Variants in FKTN observed in about 807,000 individuals in gnomAD.
FKTN encodes the protein fukutin, also known as ribitol-5-phosphate transferase FKTN.
Under a neutral mutation model 58.6 loss-of-function variants are expected in FKTN, and 47 were observed. The observed-to-expected ratio is 0.80, with a 90% CI of 0.63 to 1.02. The LOEUF (loss-of-function observed/expected upper bound fraction) is 1.02. Among genes scored for constraint, FKTN ranks in the 50% least tolerant of loss-of-function variants. The pLI is 0.00. For missense variants in FKTN, 516 were observed against 537.3 expected, an observed-to-expected ratio of 0.96 and a Z score of 0.39; for synonymous variants, 178 against 191.9, an observed-to-expected ratio of 0.93 and a Z score of 0.60.
intron 10 of FKTN, among the ~76,000 whole-genome samples, chr9:105,620,775 A>AGTAG (rs1831746429): frequency 1.4e-5 from 2 of 145,394 alleles, no homozygotes; most frequent in Non-Finnish European, 3.0e-5. Flanking sequence ...TAATACTACT[A>AGTAG]TAGTAGTAGT....
At chr9:105,579,722 G>T (rs1476806054) in intron 3 of FKTN, among the ~76,000 whole-genome samples, 1 of 142,610 alleles carries the variant, frequency 7.0e-6, no homozygotes, top group Admixed American at 7.1e-5. Flanking sequence ...GGGTATCCTT[G>T]TTGACTTTCT....
rs989219397 is a variant in FKTN, at chr9:105,639,028, C to T, written c.*3764C>T. 1.0e-5 allele frequency: 10 copies of T among 985,144 alleles called. No individual in the cohort carries two copies. In the South Asian group the frequency reaches 4.7e-4, roughly 46 times the overall value. The allele number at this position is 985,144 out of a possible 1,614,324, so 61.0% of individuals were successfully genotyped here. A position where few individuals can be genotyped will look rare whatever the true frequency, so the allele number is the denominator to read the frequency against. On this transcript the variant is annotated 3_prime_UTR_variant, in exon 11 of 11. Transcript: ENST00000357998. ...ATGGCTACATATTTTTCTAAGTTTC[C>T]CCCCTAGTTTCACTTTCTGGAAAGT...
intron 1 of FKTN, among the ~76,000 whole-genome samples, chr9:105,563,783 C>A (rs907745760): frequency 6.6e-6 from 1 of 152,220 alleles, no homozygotes; most frequent in Non-Finnish European, 1.5e-5. Flanking sequence ...ATGTTCCTGT[C>A]TGACAGCTTG....
In FKTN at chr9:105,638,340, G is replaced by A; in HGVS notation, c.*3076G>A. On this transcript the variant is annotated 3_prime_UTR_variant, in exon 11 of 11. Transcript: ENST00000357998. ...AACCTAAGGCGACAGAGAGGTCAAG[G>A]GGAAGTATTTTCTAGTTCAGAATTC... 1 of 985,348 alleles carries A rather than the reference G, an allele frequency of 1.0e-6. No individual in the cohort carries two copies. The highest frequency in any genetic ancestry group is 4.7e-5 in the South Asian group (1 of 21,276). 61.0% of individuals were successfully genotyped at this position (985,348 alleles called of 1,614,324 possible).
chr9:105,589,770 G>C (rs1417311632), intron 3 of FKTN, among the ~76,000 whole-genome samples: 1 of 152,112 alleles, frequency 6.6e-6, no homozygotes, highest in South Asian at 2.1e-4. Flanking sequence ...GACACAGCCT[G>C]TTCAAAGGGA....
chr9:105,638,227 G>T lies in FKTN; in HGVS notation c.*2963G>T. 1.0e-6 allele frequency: 1 copy of T among 985,394 alleles called. No homozygotes were observed. Among genetic ancestry groups the T allele is most frequent in the Non-Finnish European group, 1.2e-6 (1 of 829,926 alleles). The allele number at this position is 985,394 out of a possible 1,614,324, so 61.0% of individuals were successfully genotyped here. A position where few individuals can be genotyped will look rare whatever the true frequency, so the allele number is the denominator to read the frequency against. On this transcript the variant is annotated 3_prime_UTR_variant, in exon 11 of 11. Transcript: ENST00000357998. ...ACACAGTATCTTTAACAGTGCTTGAGATGCTTAACAGAGAAGGCATCCAGT... is the reference window on the plus strand; with the variant it reads ...ACACAGTATCTTTAACAGTGCTTGATATGCTTAACAGAGAAGGCATCCAGT...
At chr9:105,561,778 C>T (rs951201500) in intron 1 of FKTN, among the ~76,000 whole-genome samples, 3 of 152,182 alleles carry the variant, frequency 2.0e-5, no homozygotes, top group Non-Finnish European at 4.4e-5. Context: ...CTAATGTTTA[C>T]TTCCAAGCTG....
intron 7 of FKTN, among the ~76,000 whole-genome samples, chr9:105,610,413 C>T (rs539430760): frequency 6.6e-6 from 1 of 152,124 alleles, no homozygotes; most frequent in South Asian, 2.1e-4. Flanking sequence ...TCCAATTAAA[C>T]AACAGAGTTC....
chr9:105,577,984 G>A (rs1842074520), intron 3 of FKTN, among the ~76,000 whole-genome samples: 1 of 151,948 alleles, frequency 6.6e-6, no homozygotes, highest in African/African-American at 2.4e-5. Context: ...TGTTGTTGGT[G>A]TATAAGAATG....
At position 105,640,403 on chromosome 9, in the gene FKTN, A is replaced by C; in HGVS notation, c.*5139A>C. 3.3e-6 allele frequency: 1 copy of C among 303,998 alleles called. No homozygotes were observed. The allele number at this position is 303,998 out of a possible 1,614,324, so 18.8% of individuals were successfully genotyped here. A position where few individuals can be genotyped will look rare whatever the true frequency, so the allele number is the denominator to read the frequency against. On this transcript the variant is annotated 3_prime_UTR_variant, in exon 11 of 11. Transcript: ENST00000357998. ...CCGTCTCTTCTAAAAATACAAAAAAATTAGCTGGGCATGGTGGTGCACGCC... is the reference window on the plus strand; with the variant it reads ...CCGTCTCTTCTAAAAATACAAAAAACTTAGCTGGGCATGGTGGTGCACGCC...
intron 10 of FKTN, among the ~76,000 whole-genome samples, chr9:105,620,593 C>T (rs921420028): frequency 6.6e-6 from 1 of 152,000 alleles, no homozygotes; most frequent in Non-Finnish European, 1.5e-5. Context: ...GCTATATTAC[C>T]TTGAGCAAGT....
chr9:105,638,776 C>T lies in FKTN; in HGVS notation c.*3512C>T, dbSNP rs1256817950. On this transcript the variant is annotated 3_prime_UTR_variant, in exon 11 of 11. Transcript: ENST00000357998. ...TTTTAATTATTTATATTGATACTCT[C>T]TGATAAATGCAGGTAGTTAAGAATA... 1.0e-6 allele frequency: 1 copy of T among 977,980 alleles called. No individual in the cohort carries two copies. Among genetic ancestry groups the T allele is most frequent in the South Asian group, 4.7e-5 (1 of 21,110 alleles). The allele number at this position is 977,980 out of a possible 1,614,324, so 60.6% of individuals were successfully genotyped here. A position where few individuals can be genotyped will look rare whatever the true frequency, so the allele number is the denominator to read the frequency against.
At chr9:105,594,859 A>G (rs558137334) in intron 3 of FKTN, among the ~76,000 whole-genome samples, 3 of 152,370 alleles carry the variant, frequency 2.0e-5, no homozygotes, top group Admixed American at 6.5e-5. Context: ...ATGAAGTCAG[A>G]TGGAGGAAAG....
intron 7 of FKTN, among the ~76,000 whole-genome samples, chr9:105,613,288 A>G (rs542680736): frequency 7.9e-5 from 12 of 152,340 alleles, no homozygotes; most frequent in Non-Finnish European, 1.3e-4. Flanking sequence ...TATAACATGT[A>G]TCTCTCATTC....
At chr9:105,603,509 A>G (rs1434287508) in intron 5 of FKTN, among the ~76,000 whole-genome samples, 1 of 152,194 alleles carries the variant, frequency 6.6e-6, no homozygotes, top group Non-Finnish European at 1.5e-5. Context: ...ACTTTTTTGA[A>G]GTACTTTTGA....
At chr9:105,587,480 A>G (rs1207924910) in intron 3 of FKTN, among the ~76,000 whole-genome samples, 1 of 152,188 alleles carries the variant, frequency 6.6e-6, no homozygotes, top group Non-Finnish European at 1.5e-5. Flanking sequence ...AAAATTATGC[A>G]AGAAATATGA....
rs1830635344 is a variant in FKTN at position 105,615,381 on chromosome 9, T to A, written c.884T>A (p.Phe295Tyr). 1 of 1,614,146 alleles carries A rather than the reference T, an allele frequency of 6.2e-7. No homozygotes were observed. Among genetic ancestry groups the A allele is most frequent in the South Asian group, 1.1e-5 (1 of 91,078 alleles). Residue 295 changes from phenylalanine (F) to tyrosine (Y), a missense_variant, in exon 8 of 11, where the codon TTC (phenylalanine) becomes TAC (tyrosine). By Grantham distance (22) the Phe-to-Tyr change is conservative (BLOSUM62 3). Coordinates refer to ENST00000357998, the MANE Select transcript of FKTN (RefSeq NM_001079802.2). Reference protein sequence around the residue: ...AKTLNKLGVPFWLSSGTCLGW... With the variant: ...AKTLNKLGVPYWLSSGTCLGW... ...ACATTAAACAAATTGGGAGTACCAT[T>A]CTGGCTGAGCAGTGGAACTTGTCTA... is the stretch of plus-strand genomic sequence containing the variant.
chr9:105,587,783 T>A (rs1214603907), intron 3 of FKTN, among the ~76,000 whole-genome samples: 1 of 152,208 alleles, frequency 6.6e-6, no homozygotes, highest in East Asian at 1.9e-4. Flanking sequence ...CTGGCCAGTT[T>A]TGATTATTAA....
At chr9:105,596,875 T>C in intron 4 of FKTN, 1 of 569,678 alleles carries the variant, frequency 1.8e-6, no homozygotes, top group Admixed American at 3.0e-5. Context: ...TAAATATTGT[T>C]ACTCTCAATT....
Sources: gnomAD v4.1 joint callset for allele counts (sites outside exome capture counted in the v4.1 genomes callset) on GRCh38, gnomAD v4.1.1 for gene constraint, MANE v1.5 for transcripts, NCBI Gene and HGNC (gene_info 2026-07-23, HGNC 2026-07-21) for gene names.